The following TARBP1 variants were observed in gnomAD, a reference collection of about 807,000 sequenced individuals.
The protein encoded by TARBP1 is tRNA guanosine 2 -O-methyltransferase TARBP1.
TARBP1 carries 144 observed loss-of-function variants against 178.6 expected under a neutral mutation model. The ratio of observed to expected loss-of-function variants is 0.81; its 90% CI spans 0.70 to 0.93. The LOEUF (loss-of-function observed/expected upper bound fraction) is 0.93, where lower values mean the gene tolerates loss of function less well. TARBP1 is among the 40% of genes least tolerant of loss of function. TARBP1 has a pLI of 0.00. For synonymous variants in TARBP1, 787 were observed against 781.0 expected, an observed-to-expected ratio of 1.01 and a Z score of -0.13; for missense variants, 2,067 against 2,011.7, an observed-to-expected ratio of 1.03 and a Z score of -0.53.
At chr1:234,399,406 G>A (rs1045256070) in intron 25 of TARBP1, among the ~76,000 whole-genome samples, 1 of 152,234 alleles carries the variant, frequency 6.6e-6, no homozygotes, top group South Asian at 2.1e-4. Flanking sequence ...GGGGAACCAA[G>A]TAGGGGGCAC....
chr1:234,474,845 G>T (rs931942490), intron 1 of TARBP1, among the ~76,000 whole-genome samples: 1 of 152,192 alleles, frequency 6.6e-6, no homozygotes, highest in Non-Finnish European at 1.5e-5. Flanking sequence ...AAAGAGGAAA[G>T]GCTGAAAAAT....
chr1:234,416,253 A>T (rs1424246651), intron 22 of TARBP1, among the ~76,000 whole-genome samples: 1 of 152,230 alleles, frequency 6.6e-6, no homozygotes, highest in Non-Finnish European at 1.5e-5. Flanking sequence ...CTGTTTCTTC[A>T]TTATAGGAAC....
chr1:234,425,573 G>A (rs1302752620), intron 20 of TARBP1, 100 bp downstream of exon 20: 1 of 1,284,844 alleles, frequency 7.8e-7, no homozygotes, highest in Non-Finnish European at 1.1e-6. Flanking sequence ...GTTTTCTCCT[G>A]ACAAAAGATA....
chr1:234,403,613 G>A (rs1350213898), intron 24 of TARBP1, among the ~76,000 whole-genome samples: 1 of 152,216 alleles, frequency 6.6e-6, no homozygotes, highest in Non-Finnish European at 1.5e-5. Flanking sequence ...CCTTGTGCCT[G>A]TCACAAGCCG....
intron 1 of TARBP1, among the ~76,000 whole-genome samples, 178 bp downstream of exon 1, chr1:234,477,995 G>C (rs1220228036): frequency 2.0e-5 from 3 of 152,180 alleles, no homozygotes. Flanking sequence ...TGACTTCAAA[G>C]AACACCCTCG....
At chr1:234,460,464 G>C in intron 6 of TARBP1, 68 bp from the exon 7 acceptor site, 10 of 1,532,858 alleles carry the variant, frequency 6.5e-6, no homozygotes, top group Non-Finnish European at 7.1e-6. Flanking sequence ...AATACCATTA[G>C]GTATTAGGGA....
chr1:234,417,988 G>T, intron 22 of TARBP1, 96 bp downstream of exon 22: 1 of 745,582 alleles, frequency 1.3e-6, no homozygotes, highest in Non-Finnish European at 2.0e-6. Flanking sequence ...TAGGGCAACT[G>T]AGAGTCAAAA....
intron 12 of TARBP1, among the ~76,000 whole-genome samples, chr1:234,441,001 C>T (rs911115947): frequency 5.3e-5 from 8 of 152,110 alleles, no homozygotes; most frequent in African/African-American, 1.4e-4. Flanking sequence ...CTGGACAACA[C>T]GGCAAAACCC....
At chr1:234,438,492 C>T (rs564545986) in intron 12 of TARBP1, among the ~76,000 whole-genome samples, 7 of 152,152 alleles carry the variant, frequency 4.6e-5, no homozygotes, top group Admixed American at 3.9e-4. Flanking sequence ...TTGAAAAGTA[C>T]AATAACTGAA....
At chr1:234,410,780 A>G (rs1227386087) in intron 22 of TARBP1, among the ~76,000 whole-genome samples, 1 of 152,108 alleles carries the variant, frequency 6.6e-6, no homozygotes, top group Non-Finnish European at 1.5e-5. Context: ...GAATAACTCA[A>G]CTCTAAGTAC....
intron 13 of TARBP1, among the ~76,000 whole-genome samples, chr1:234,434,670 G>T (rs903848959): frequency 6.6e-6 from 1 of 152,172 alleles, no homozygotes; most frequent in African/African-American, 2.4e-5. Flanking sequence ...AGCTCAGAAG[G>T]GTGGTCTGAG....
At chr1:234,462,094 T>C (rs1667914565) in intron 6 of TARBP1, among the ~76,000 whole-genome samples, 1 of 152,232 alleles carries the variant, frequency 6.6e-6, no homozygotes, top group Admixed American at 6.5e-5. Context: ...TTTTTCTTTC[T>C]TCCATTTGCA....
chr1:234,437,706 A>G (rs879523338), intron 12 of TARBP1, among the ~76,000 whole-genome samples: 3 of 152,218 alleles, frequency 2.0e-5, no homozygotes, highest in Non-Finnish European at 4.4e-5. Context: ...AACACTGAAC[A>G]GTGGTGAGTT....
chr1:234,456,182 T>C (rs1468877164), intron 9 of TARBP1, among the ~76,000 whole-genome samples: 2 of 152,212 alleles, frequency 1.3e-5, no homozygotes, highest in African/African-American at 4.8e-5. Context: ...AATAAAAACA[T>C]ATAGAAATAA....
intron 25 of TARBP1, chr1:234,400,731 T>G (rs1660598132): frequency 6.6e-6 from 1 of 152,444 alleles, no homozygotes; most frequent in African/African-American, 2.4e-5. Context: ...TTACAGTCAG[T>G]GAGGTGATGT....
intron 12 of TARBP1, among the ~76,000 whole-genome samples, chr1:234,443,527 A>G (rs941465738): frequency 6.6e-6 from 1 of 152,178 alleles, no homozygotes; most frequent in Non-Finnish European, 1.5e-5. Flanking sequence ...ACTGGTGAAA[A>G]TGTAAAAAGG....
In TARBP1 at chr1:234,403,749, T is replaced by C. The variant is rs181266002; in HGVS notation, c.3989+2154A>G. On this transcript the variant is annotated intron_variant, in intron 24 of 29. Coordinates refer to ENST00000040877, the MANE Select transcript of TARBP1 (RefSeq NM_005646.4). Reference sequence around the variant, plus strand: ...CCGAGGCTGGAGTGCAGTGGCGCAATCTTGGCTCACTGCAACCTCCACCTC... The same window carrying C: ...CCGAGGCTGGAGTGCAGTGGCGCAACCTTGGCTCACTGCAACCTCCACCTC... 3.1e-3 allele frequency among the ~76,000 whole-genome samples: 465 copies of C among 152,280 alleles called. 8 individuals are homozygous for C. Among genetic ancestry groups the C allele is most frequent in the Admixed American group, 0.024 (369 of 15,290 alleles).
At chr1:234,430,856 G>A in intron 14 of TARBP1, among the ~76,000 whole-genome samples, 1 of 152,324 alleles carries the variant, frequency 6.6e-6, no homozygotes, top group Middle Eastern at 3.4e-3. Context: ...CTAGCTCTGT[G>A]CTACTACCAG....
At chr1:234,450,945 G>A (rs772114480) in intron 9 of TARBP1, among the ~76,000 whole-genome samples, 5 of 151,922 alleles carry the variant, frequency 3.3e-5, no homozygotes, top group African/African-American at 7.3e-5. Context: ...AAAAAATAAC[G>A]CATTACATAA....
Sources: allele counts gnomAD v4.1 joint callset (sites outside exome capture counted in the v4.1 genomes callset), GRCh38; gene constraint gnomAD v4.1.1; transcripts MANE v1.5; gene names NCBI Gene and HGNC (gene_info 2026-07-23, HGNC 2026-07-21).